The following ASTN2 variants were observed in gnomAD, a reference collection of about 807,000 sequenced individuals.
ASTN2 encodes the protein astrotactin 2.
A neutral mutation model predicts 139.8 loss-of-function variants in ASTN2; 54 were observed. That is an observed-to-expected ratio of 0.39 (90% CI 0.31 to 0.48). The LOEUF is 0.48. Among genes scored for constraint, ASTN2 ranks in the 20% least tolerant of loss-of-function variants. ASTN2 has a pLI of 0.95. For synonymous variants in ASTN2, 756 were observed against 719.5 expected, an observed-to-expected ratio of 1.05 and a Z score of -0.81; for missense variants, 1,565 against 1,725.1, an observed-to-expected ratio of 0.91 and a Z score of 1.64.
chr9:116,643,290 A>G (rs1033026404), intron 17 of ASTN2, among the ~76,000 whole-genome samples: 2 of 152,112 alleles, frequency 1.3e-5, no homozygotes, highest in Non-Finnish European at 2.9e-5. Flanking sequence ...TGCTTTTCCA[A>G]TATTGCTTAG....
chr9:116,643,836 A>G (rs986201580), intron 17 of ASTN2, among the ~76,000 whole-genome samples: 1 of 152,160 alleles, frequency 6.6e-6, no homozygotes, highest in South Asian at 2.1e-4. Context: ...TCTCTCTTCT[A>G]ACACTATTGG....
At chr9:117,075,408 A>G (rs1828252344) in intron 5 of ASTN2, among the ~76,000 whole-genome samples, 1 of 151,994 alleles carries the variant, frequency 6.6e-6, no homozygotes, top group African/African-American at 2.4e-5. Context: ...CTCAGATGGA[A>G]AGAAAGAGAC....
At chr9:116,675,342 T>C (rs1229230825) in intron 16 of ASTN2, among the ~76,000 whole-genome samples, 2 of 152,168 alleles carry the variant, frequency 1.3e-5, no homozygotes, top group Admixed American at 6.5e-5. Flanking sequence ...CAATGCCTCC[T>C]TCCTTCTCCC....
rs947221395 is a variant in ASTN2, at chr9:117,414,287, C to T, written c.442+210G>A. On this transcript the variant is annotated intron_variant, in intron 1 of 22. Transcript: ENST00000313400. The surrounding 1 kb of genome is among the most constrained non-coding windows in gnomAD (Gnocchi z 4.2). ...TTCCCACTGCGGGAGGGTTGGCACG[C>T]CCCCAGGCTCCCGCCGCGCGCTCTC... Among the ~76,000 whole-genome samples the T allele has an allele frequency of 2.0e-5, 3 of 152,086 alleles. No homozygotes were observed. Among genetic ancestry groups the T allele is most frequent in the Non-Finnish European group, 2.9e-5 (2 of 68,000 alleles).
chr9:117,402,341 C>T (rs998803153), intron 1 of ASTN2, among the ~76,000 whole-genome samples: 2 of 152,206 alleles, frequency 1.3e-5, no homozygotes, highest in Non-Finnish European at 2.9e-5. Flanking sequence ...GCTGGGATTA[C>T]AGGCGTGAGC....
intron 3 of ASTN2, among the ~76,000 whole-genome samples, chr9:117,195,151 C>T (rs149286706): frequency 1.0e-3 from 153 of 152,082 alleles, no homozygotes; most frequent in African/African-American, 3.5e-3. Flanking sequence ...ATTACAAGAA[C>T]AAATAGTAAA....
chr9:116,782,941 T>G (rs1830258761), intron 13 of ASTN2, among the ~76,000 whole-genome samples: 1 of 152,190 alleles, frequency 6.6e-6, no homozygotes. Flanking sequence ...TCACTAAGTA[T>G]CTTTCTTTTG....
intron 13 of ASTN2, among the ~76,000 whole-genome samples, chr9:116,796,995 T>C (rs1830711262): frequency 6.6e-6 from 1 of 152,058 alleles, no homozygotes; most frequent in East Asian, 1.9e-4. Flanking sequence ...TTTTCTTTTT[T>C]TTTTTTGTAG....
At chr9:117,063,660 T>C (rs974006425) in intron 5 of ASTN2, among the ~76,000 whole-genome samples, 1 of 152,198 alleles carries the variant, frequency 6.6e-6, no homozygotes, top group Non-Finnish European at 1.5e-5. Flanking sequence ...TAGGACAGTA[T>C]TGCAATGCTT....
chr9:116,655,228 A>C (rs1588147110), intron 16 of ASTN2, among the ~76,000 whole-genome samples: 1 of 152,230 alleles, frequency 6.6e-6, no homozygotes, highest in Admixed American at 6.5e-5. Context: ...ATGAAACACC[A>C]TTAGCCATTC....
intron 10 of ASTN2, among the ~76,000 whole-genome samples, chr9:116,891,540 C>T (rs1398225980): frequency 2.0e-5 from 3 of 152,150 alleles, no homozygotes; most frequent in East Asian, 1.9e-4. Context: ...GAAATGGGGG[C>T]CTAAAGAAGC....
At chr9:117,283,394 A>G (rs1304697226) in intron 2 of ASTN2, among the ~76,000 whole-genome samples, 6 of 151,900 alleles carry the variant, frequency 3.9e-5, no homozygotes, top group Non-Finnish European at 8.8e-5. Flanking sequence ...TTTAAAGTCT[A>G]TACTTACAAT....
At chr9:116,666,896 ACAC>A (rs1858893630) in intron 16 of ASTN2, among the ~76,000 whole-genome samples, 1 of 151,574 alleles carries the variant, frequency 6.6e-6, no homozygotes, top group African/African-American at 2.4e-5. Flanking sequence ...GATTAAAAGA[ACAC>A]CATATAGACA....
intron 17 of ASTN2, among the ~76,000 whole-genome samples, chr9:116,634,269 A>G (rs1588118987): frequency 6.6e-6 from 1 of 152,114 alleles, no homozygotes; most frequent in Non-Finnish European, 1.5e-5. Context: ...GAACTTGGGT[A>G]TTCTCTAGAT....
intron 5 of ASTN2, among the ~76,000 whole-genome samples, chr9:117,052,930 G>A (rs991851845): frequency 5.3e-5 from 8 of 152,214 alleles, no homozygotes; most frequent in Non-Finnish European, 1.2e-4. Context: ...GGATTGGACT[G>A]GATATCATGC....
chr9:116,666,949 CTTTTTTTT>C (rs34835904), intron 16 of ASTN2, among the ~76,000 whole-genome samples: 1 of 70,364 alleles, frequency 1.4e-5, no homozygotes, highest in Non-Finnish European at 2.5e-5. Flanking sequence ...TTTATTTATT[CTTTTTTTT>C]TTTTTTTTTT....
In ASTN2 at chr9:116,698,553, C is replaced by G. The variant is rs372298402; in HGVS notation, c.2806+27218G>C. 70 of 1,613,754 alleles carry G rather than the reference C, an allele frequency of 4.3e-5. No homozygotes were observed. The highest frequency in any genetic ancestry group is 5.8e-5 in the Non-Finnish European group (68 of 1,180,028). Reference sequence around the variant, plus strand: ...GCCAGAGCTCACTGCCAGCTTGCCTCGGGAGCTCACCCTGCAAGATGTGGA... The same window carrying G: ...GCCAGAGCTCACTGCCAGCTTGCCTGGGGAGCTCACCCTGCAAGATGTGGA... On this transcript the variant is annotated intron_variant, in intron 16 of 22. Coordinates refer to ENST00000313400, the MANE Select transcript of ASTN2 (RefSeq NM_001365068.1). This position sits in a 1 kb window ranked among gnomAD's most constrained non-coding sequence, Gnocchi z 4.4.
chr9:116,996,374 A>G (rs1055062213), intron 7 of ASTN2, among the ~76,000 whole-genome samples: 3 of 152,154 alleles, frequency 2.0e-5, no homozygotes, highest in Admixed American at 1.3e-4. Flanking sequence ...GAGAGATTAA[A>G]TGAGATAATA....
intron 2 of ASTN2, among the ~76,000 whole-genome samples, chr9:117,215,440 T>C (rs1385772734): frequency 6.7e-6 from 1 of 149,364 alleles, no homozygotes; most frequent in Non-Finnish European, 1.5e-5. Flanking sequence ...TTTCTAGGGC[T>C]CCTTTAATAA....
Sources: allele counts gnomAD v4.1 joint callset (sites outside exome capture counted in the v4.1 genomes callset), GRCh38; gene constraint gnomAD v4.1.1; non-coding constraint Gnocchi (gnomAD v3.1); transcripts MANE v1.5; gene names NCBI Gene and HGNC (gene_info 2026-07-23, HGNC 2026-07-21).